Variants in PPP2R2B observed in about 807,000 individuals in gnomAD.
The protein encoded by PPP2R2B is protein phosphatase 2 regulatory subunit Bbeta.
A neutral mutation model predicts 46.0 loss-of-function variants in PPP2R2B; 5 were observed. The observed-to-expected ratio is 0.11, with a 90% CI of 0.06 to 0.23. PPP2R2B has a LOEUF of 0.23. Ranked by LOEUF, PPP2R2B falls within the 10% of genes least tolerant of loss-of-function variation. The pLI is 1.00. For synonymous variants in PPP2R2B, 215 were observed against 206.7 expected, an observed-to-expected ratio of 1.04 and a Z score of -0.34; for missense variants, 367 against 575.0, an observed-to-expected ratio of 0.64 and a Z score of 3.70.
In PPP2R2B at chr5:147,068,919, T is replaced by C. The variant is rs115931104; in HGVS notation, c.50+12140A>G. 4.3e-3 allele frequency among the ~76,000 whole-genome samples: 657 copies of C among 152,208 alleles called. 5 individuals carry two copies. Among genetic ancestry groups the C allele is most frequent in the Middle Eastern group, 0.031 (9 of 292 alleles). ...GACTGTGCCATAATTTTGGGAAAGG[T>C]TGCTTTAAATCGTAATCAGAAAAAT... On this transcript the variant is annotated intron_variant, in intron 2 of 10. Coordinates refer to the PPP2R2B transcript ENST00000394413.
At position 146,584,906 on chromosome 5, in the gene PPP2R2B, G is replaced by C. The variant is rs80350473; in HGVS notation, c.*5041C>G. On this transcript the variant is annotated 3_prime_UTR_variant, in exon 10 of 10. Transcript: ENST00000394411. ...ATATGTTGGTCTACCTATTGGAAACGCTGTATCATGCTTTGTTGAGCAAAT... is the reference window on the plus strand; with the variant it reads ...ATATGTTGGTCTACCTATTGGAAACCCTGTATCATGCTTTGTTGAGCAAAT... The C allele has an allele frequency of 6.6e-6, 1 of 152,096 alleles. No homozygotes were observed. The highest frequency in any genetic ancestry group is 2.4e-5 in the African/African-American group (1 of 41,406). 9.4% of individuals were successfully genotyped at this position (152,096 alleles called of 1,614,324 possible).
At chr5:146,595,908 ATATT>A (rs1481108958) in intron 8 of PPP2R2B, among the ~76,000 whole-genome samples, 3 of 152,180 alleles carry the variant, frequency 2.0e-5, no homozygotes, top group Non-Finnish European at 4.4e-5. Flanking sequence ...AGTGTTTCTC[ATATT>A]TATTTGTGGG....
chr5:146,840,271 CACGTTGTCCTT>C (rs1759551282), intron 2 of PPP2R2B, among the ~76,000 whole-genome samples: 1 of 152,144 alleles, frequency 6.6e-6, no homozygotes, highest in African/African-American at 2.4e-5. Context: ...CTGTGCCAGG[CACGTTGTCCTT>C]ACAGAGCTTA....
At chr5:147,075,801 T>G (rs1296305441) in intron 2 of PPP2R2B, among the ~76,000 whole-genome samples, 1 of 152,112 alleles carries the variant, frequency 6.6e-6, no homozygotes, top group East Asian at 1.9e-4. Context: ...CTGCACCTTC[T>G]CCACTCTAAT....
chr5:146,917,136 T>A (rs538432960), intron 1 of PPP2R2B, among the ~76,000 whole-genome samples: 20 of 152,294 alleles, frequency 1.3e-4, no homozygotes. Context: ...AACAATCTCT[T>A]CCTTTGAGTC....
intron 7 of PPP2R2B, among the ~76,000 whole-genome samples, chr5:146,627,239 T>C (rs1352841517): frequency 6.6e-6 from 1 of 152,208 alleles, no homozygotes; most frequent in Non-Finnish European, 1.5e-5. Flanking sequence ...CAAGCTCCCC[T>C]GAAATAAATA....
intron 1 of PPP2R2B, chr5:147,055,543 C>A: frequency 1.2e-6 from 1 of 838,754 alleles, no homozygotes; most frequent in South Asian, 1.6e-5. Context: ...TGGATACAAG[C>A]TTTTGCCAGG....
chr5:146,885,267 C>A (rs769244458), intron 1 of PPP2R2B, among the ~76,000 whole-genome samples: 1 of 152,110 alleles, frequency 6.6e-6, no homozygotes. Context: ...TAGATGAGAG[C>A]CTGGCGCCAA....
intron 8 of PPP2R2B, 83 bp from the exon 9 acceptor site, chr5:146,593,145 CT>C: frequency 8.7e-7 from 1 of 1,149,362 alleles, no homozygotes; most frequent in South Asian, 1.2e-5. Context: ...CTGATGTGAG[CT>C]GTTAAATCTT....
intron 1 of PPP2R2B, among the ~76,000 whole-genome samples, chr5:147,006,336 G>A (rs1754441023): frequency 6.6e-6 from 1 of 152,196 alleles, no homozygotes; most frequent in Admixed American, 6.5e-5. Flanking sequence ...AATATGGACT[G>A]AACGAGGTCT....
At chr5:146,906,136 A>C (rs1375022868) in intron 1 of PPP2R2B, among the ~76,000 whole-genome samples, 1 of 152,164 alleles carries the variant, frequency 6.6e-6, no homozygotes, top group Non-Finnish European at 1.5e-5. Flanking sequence ...GATATGTTGG[A>C]AGTGTAAAAT....
chr5:146,997,447 A>G (rs1000149960), intron 1 of PPP2R2B, among the ~76,000 whole-genome samples: 1 of 152,180 alleles, frequency 6.6e-6, no homozygotes, highest in African/African-American at 2.4e-5. Context: ...GAGCAAGCAC[A>G]GCACCCATGG....
chr5:146,628,510 G>C lies in PPP2R2B; in HGVS notation c.790+9741C>G, dbSNP rs554759388. On this transcript the variant is annotated intron_variant, in intron 7 of 9. Coordinates refer to ENST00000394411, the MANE Select transcript of PPP2R2B (RefSeq NM_181675.4). ...ATCGCTACTGCTGAGGTGAACCCTGGCTCCTCACCCTGGCCCTCAAGACCT... is the reference window on the plus strand; with the variant it reads ...ATCGCTACTGCTGAGGTGAACCCTGCCTCCTCACCCTGGCCCTCAAGACCT... Among the ~76,000 whole-genome samples, 7 of 152,310 alleles carry C rather than the reference G, an allele frequency of 4.6e-5. No individual in the cohort carries two copies. In the South Asian group the frequency reaches 1.5e-3, roughly 32 times the overall value.
chr5:146,800,593 A>G (rs1373132410), intron 2 of PPP2R2B, among the ~76,000 whole-genome samples: 3 of 142,370 alleles, frequency 2.1e-5, no homozygotes, highest in African/African-American at 7.8e-5. Context: ...CTCAACTCCC[A>G]AGAGAAGAAA....
intron 1 of PPP2R2B, among the ~76,000 whole-genome samples, chr5:146,888,005 T>C (rs1427141994): frequency 2.0e-5 from 3 of 152,160 alleles, no homozygotes; most frequent in Non-Finnish European, 4.4e-5. Context: ...GAGTACTCTC[T>C]CCTTCCTAAT....
chr5:147,032,869 T>TA (rs778703000), intron 1 of PPP2R2B, among the ~76,000 whole-genome samples: 2 of 152,324 alleles, frequency 1.3e-5, no homozygotes, highest in Non-Finnish European at 2.9e-5. Context: ...TCTGGGTAGA[T>TA]ACCCAGTTGT....
At chr5:147,038,456 C>G (rs972100163) in intron 1 of PPP2R2B, among the ~76,000 whole-genome samples, 4 of 152,042 alleles carry the variant, frequency 2.6e-5, no homozygotes, top group African/African-American at 9.7e-5. Flanking sequence ...TATTAAATTA[C>G]ATTGATAATT....
At chr5:147,050,190 A>G (rs762126926) in intron 1 of PPP2R2B, among the ~76,000 whole-genome samples, 4 of 152,202 alleles carry the variant, frequency 2.6e-5, no homozygotes, top group Non-Finnish European at 4.4e-5. Context: ...ACATAAAGCA[A>G]TATCAAACAA....
chr5:146,599,422 C>T (rs1367827255), intron 8 of PPP2R2B, among the ~76,000 whole-genome samples: 1 of 152,164 alleles, frequency 6.6e-6, no homozygotes, highest in African/African-American at 2.4e-5. Context: ...AAGTGAAACA[C>T]ACAGTAAAAA....
Sources: gnomAD v4.1 joint callset for allele counts (sites outside exome capture counted in the v4.1 genomes callset) on GRCh38, gnomAD v4.1.1 for gene constraint, MANE v1.5 for transcripts, NCBI Gene and HGNC (gene_info 2026-07-23, HGNC 2026-07-21) for gene names.